Variants in RBFOX1 observed in about 807,000 individuals in gnomAD.
RBFOX1 encodes the protein RNA binding fox-1 homolog 1.
RBFOX1 carries 8 observed loss-of-function variants against 57.7 expected under a neutral mutation model. The observed-to-expected ratio is 0.14, with a 90% CI of 0.08 to 0.25. RBFOX1 has a LOEUF of 0.25. RBFOX1 is among the 10% of genes least tolerant of loss of function. RBFOX1 has a pLI of 1.00. For missense variants in RBFOX1, 611 were observed against 548.5 expected (o/e 1.11, Z -1.14); for synonymous variants, 326 against 222.4 (o/e 1.47, Z -4.15).
intron 14 of RBFOX1, among the ~76,000 whole-genome samples, chr16:7,695,949 C>G (rs1324681684): frequency 6.6e-6 from 1 of 152,126 alleles, no homozygotes; most frequent in Non-Finnish European, 1.5e-5. Flanking sequence ...GCATAGGCAG[C>G]CATCAGGGGC....
intron 2 of RBFOX1, among the ~76,000 whole-genome samples, chr16:6,648,677 A>G (rs1478203716): frequency 6.6e-6 from 1 of 152,108 alleles, no homozygotes; most frequent in Non-Finnish European, 1.5e-5. Context: ...CTTCCGTGCA[A>G]ACCTCATATT....
chr16:6,698,886 G>A (rs2154139733), intron 3 of RBFOX1, among the ~76,000 whole-genome samples: 1 of 152,250 alleles, frequency 6.6e-6, no homozygotes, highest in East Asian at 1.9e-4. Flanking sequence ...TGGATTCTTT[G>A]TGATATTTTC....
chr16:7,451,145 C>T (rs2098849280), intron 4 of RBFOX1, among the ~76,000 whole-genome samples: 2 of 152,136 alleles, frequency 1.3e-5, no homozygotes, highest in East Asian at 1.9e-4. Context: ...AGAAAACATC[C>T]AGCTTTCTGG....
intron 2 of RBFOX1, among the ~76,000 whole-genome samples, chr16:6,392,196 C>T (rs569423930): frequency 2.0e-5 from 3 of 152,248 alleles, no homozygotes; most frequent in East Asian, 1.9e-4. Context: ...AAATTCGTGG[C>T]CCAACGTAGC....
intron 3 of RBFOX1, among the ~76,000 whole-genome samples, chr16:6,813,104 TA>T (rs766213977): frequency 4.8e-4 from 70 of 146,550 alleles, no homozygotes; most frequent in Admixed American, 8.2e-4. Flanking sequence ...TCACTCCCAT[TA>T]AAAAAAAAAA....
intron 3 of RBFOX1, among the ~76,000 whole-genome samples, chr16:5,732,661 A>T (rs747254278): frequency 1.1e-4 from 17 of 152,208 alleles, no homozygotes; most frequent in Non-Finnish European, 2.2e-4. Flanking sequence ...ACTACCTTCT[A>T]TGTAGTCTTT....
chr16:7,239,565 C>G (rs766140254), intron 4 of RBFOX1, among the ~76,000 whole-genome samples: 4 of 152,128 alleles, frequency 2.6e-5, no homozygotes, highest in Non-Finnish European at 5.9e-5. Flanking sequence ...ATTGTCCTGT[C>G]AAGACCATTT....
chr16:7,305,207 C>T (rs1033023094), intron 4 of RBFOX1, among the ~76,000 whole-genome samples: 5 of 151,526 alleles, frequency 3.3e-5, no homozygotes, highest in African/African-American at 1.2e-4. Flanking sequence ...CTTTATTTTC[C>T]ATTCATTGTG....
intron 10 of RBFOX1, among the ~76,000 whole-genome samples, chr16:7,629,350 G>A (rs560628915): frequency 6.6e-6 from 1 of 152,186 alleles, no homozygotes; most frequent in South Asian, 2.1e-4. Flanking sequence ...GATACAGAAG[G>A]AGCATAGAAC....
intron 4 of RBFOX1, among the ~76,000 whole-genome samples, chr16:7,506,847 G>A (rs373484062): frequency 1.3e-5 from 2 of 152,178 alleles, no homozygotes; most frequent in Admixed American, 6.5e-5. Flanking sequence ...CACTGAAGTA[G>A]GTTAGAGTCC....
At chr16:6,626,552 G>C (rs1291336253) in intron 2 of RBFOX1, among the ~76,000 whole-genome samples, 1 of 152,188 alleles carries the variant, frequency 6.6e-6, no homozygotes, top group South Asian at 2.1e-4. Context: ...CTGGGATCAG[G>C]AGTTCGAGAC....
intron 2 of RBFOX1, among the ~76,000 whole-genome samples, chr16:6,389,759 G>C (rs777283592): frequency 6.6e-6 from 1 of 152,316 alleles, no homozygotes; most frequent in Non-Finnish European, 1.5e-5. Context: ...GGGCCAGAGA[G>C]GTTCAGGGAC....
intron 4 of RBFOX1, among the ~76,000 whole-genome samples, chr16:5,884,058 C>T (rs562772815): frequency 6.6e-6 from 1 of 152,196 alleles, no homozygotes; most frequent in Non-Finnish European, 1.5e-5. Flanking sequence ...AACTTCTCAT[C>T]TGAAAGATGG....
chr16:5,756,631 T>A (rs1391389186), intron 3 of RBFOX1, among the ~76,000 whole-genome samples: 1 of 152,224 alleles, frequency 6.6e-6, no homozygotes, highest in Non-Finnish European at 1.5e-5. Context: ...CATTTATGCC[T>A]GCTGCCTGCC....
chr16:7,252,794 A>C (rs8045602), intron 4 of RBFOX1, among the ~76,000 whole-genome samples: 30,238 of 151,472 alleles, frequency 0.2, 3,427 homozygotes, highest in African/African-American at 0.3. Flanking sequence ...CTCTGGGCTA[A>C]TGTTACATAG....
intron 3 of RBFOX1, among the ~76,000 whole-genome samples, chr16:6,666,463 C>T (rs2098733401): frequency 6.6e-6 from 1 of 150,568 alleles, no homozygotes; most frequent in South Asian, 2.1e-4. Flanking sequence ...TCACTTGAAC[C>T]TGGAAGGCAG....
At chr16:7,338,691 T>C (rs2096838386) in intron 4 of RBFOX1, among the ~76,000 whole-genome samples, 1 of 152,240 alleles carries the variant, frequency 6.6e-6, no homozygotes, top group African/African-American at 2.4e-5. Context: ...TCTACATACC[T>C]ATATGTAGTA....
intron 2 of RBFOX1, among the ~76,000 whole-genome samples, chr16:6,329,702 C>T (rs535798951): frequency 5.1e-4 from 77 of 152,246 alleles, no homozygotes; most frequent in Non-Finnish European, 8.8e-4. Context: ...GAGGCCAAAA[C>T]GGGTGGATCA....
At chr16:5,528,730 A>G (rs1333262417) in intron 2 of RBFOX1, among the ~76,000 whole-genome samples, 1 of 149,732 alleles carries the variant, frequency 6.7e-6, no homozygotes, top group Non-Finnish European at 1.5e-5. Context: ...GCTCACTGCA[A>G]CCTCCACCTC....
Sources: allele counts gnomAD v4.1 joint callset (sites outside exome capture counted in the v4.1 genomes callset), GRCh38; gene constraint gnomAD v4.1.1; transcripts MANE v1.5; gene names NCBI Gene and HGNC (gene_info 2026-07-23, HGNC 2026-07-21).